DCP1B: variants seen among roughly 807,000 people sequenced by gnomAD.
The protein encoded by DCP1B is mRNA-decapping enzyme 1B.
DCP1B carries 47 observed loss-of-function variants against 60.5 expected under a neutral mutation model. That is an observed-to-expected ratio of 0.78 (90% CI 0.61 to 0.99). The LOEUF is 0.99. Among genes scored for constraint, DCP1B ranks in the 50% least tolerant of loss-of-function variants. The pLI is 0.00. For missense variants in DCP1B, 725 were observed against 756.8 expected (o/e 0.96, Z 0.49); for synonymous variants, 267 against 280.3 (o/e 0.95, Z 0.47).
intron 2 of DCP1B, among the ~76,000 whole-genome samples, chr12:1,994,271 T>C (rs929273077): frequency 1.3e-4 from 20 of 152,220 alleles, no homozygotes; most frequent in African/African-American, 4.8e-4. Context: ...TTCATTTATT[T>C]ACTTTAAATG....
At position 2,004,409 on chromosome 12, in the gene DCP1B, C is replaced by T. The variant is rs1198121063; in HGVS notation, c.23G>A (p.Gly8Asp). 10 of 1,610,744 alleles carry T rather than the reference C, an allele frequency of 6.2e-6. No individual in the cohort carries two copies. Among genetic ancestry groups the T allele is most frequent in the Admixed American group, 1.7e-5 (1 of 59,870 alleles). ...GATGTCGCGCCCCTTTCCCACCAGG[C>T]CGCCTGCCGCCACGGCTGCCATCTT... MAAVAAGGLVGKGRDISL... is the reference protein window; with the variant it reads MAAVAAGDLVGKGRDISL... Residue 8 changes from glycine (G) to aspartate (D), a missense_variant, in exon 1 of 9, where the codon GGC becomes GAC. Transcript: ENST00000280665.
intron 6 of DCP1B, 112 bp from the exon 7 acceptor site, chr12:1,953,400 A>G: frequency 8.2e-7 from 1 of 1,221,778 alleles, no homozygotes; most frequent in Non-Finnish European, 1.1e-6. Flanking sequence ...AGGATTGATT[A>G]GAGAGAATGA....
intron 3 of DCP1B, chr12:1,991,096 T>C (rs1593205116): frequency 2.2e-6 from 1 of 456,132 alleles, no homozygotes. Flanking sequence ...ATTAGAAACA[T>C]TTTAATATGC....
At chr12:1,947,538 G>A (rs866242637) in intron 8 of DCP1B, among the ~76,000 whole-genome samples, 17 of 152,112 alleles carry the variant, frequency 1.1e-4, no homozygotes. Flanking sequence ...TTTCTAATCC[G>A]CCATGTTCAG....
At chr12:1,973,338 GAA>G (rs2033155332) in intron 3 of DCP1B, among the ~76,000 whole-genome samples, 1 of 152,062 alleles carries the variant, frequency 6.6e-6, no homozygotes, top group South Asian at 2.1e-4. Context: ...CATTTTGGGG[GAA>G]ACAGTAGAAA....
At chr12:1,991,393 T>A in intron 3 of DCP1B, 1 of 278,140 alleles carries the variant, frequency 3.6e-6, no homozygotes, top group East Asian at 8.7e-5. Context: ...AATAGAAATA[T>A]GAGGGGAACC....
chr12:1,976,204 C>T (rs1198609711), intron 3 of DCP1B, among the ~76,000 whole-genome samples: 1 of 152,168 alleles, frequency 6.6e-6, no homozygotes, highest in Non-Finnish European at 1.5e-5. Context: ...AGTTTCATCA[C>T]TCAAGTCACA....
chr12:1,993,943 G>T (rs142197779), intron 2 of DCP1B, among the ~76,000 whole-genome samples: 102 of 152,276 alleles, frequency 6.7e-4, no homozygotes, highest in African/African-American at 2.4e-3. Flanking sequence ...GCCTGAACTA[G>T]AAGTTTACAT....
chr12:1,952,783 C>G lies in DCP1B; in HGVS notation c.1157G>C (p.Arg386Thr), dbSNP rs1399293183. Residue 386 changes from arginine to threonine, a missense_variant, in exon 7 of 9, where the codon AGA becomes ACA. By Grantham distance (71) the Arg-to-Thr change is moderately conservative (BLOSUM62 -1). Transcript: ENST00000280665. Reference sequence around the variant, plus strand: ...CACAGGGGTGACAGAAGTGGGAGCTCTGCTGCGGTTCAGGGCAGCTGAGCT... The same window carrying G: ...CACAGGGGTGACAGAAGTGGGAGCTGTGCTGCGGTTCAGGGCAGCTGAGCT... ...PASSAALNRS[R>T]APTSVTPVAP... is the part of the protein sequence containing the mutation. The G allele has an allele frequency of 1.9e-6, 3 of 1,614,188 alleles. No individual in the cohort carries two copies. Among genetic ancestry groups the G allele is most frequent in the Non-Finnish European group, 2.5e-6 (3 of 1,180,036 alleles).
At chr12:2,001,223 T>C (rs929479179) in intron 1 of DCP1B, among the ~76,000 whole-genome samples, 2 of 152,152 alleles carry the variant, frequency 1.3e-5, no homozygotes, top group African/African-American at 4.8e-5. Flanking sequence ...AACCAGATTT[T>C]TTTTTTCTTT....
At chr12:1,970,326 G>A (rs950586252) in intron 3 of DCP1B, among the ~76,000 whole-genome samples, 2 of 152,044 alleles carry the variant, frequency 1.3e-5, no homozygotes, top group Admixed American at 6.5e-5. Flanking sequence ...AAGCAACATG[G>A]CTTTAAAAAT....
At position 1,946,196 on chromosome 12, in the gene DCP1B, G is replaced by C; in HGVS notation, c.*10C>G. The C allele has an allele frequency of 6.4e-7, 1 of 1,570,958 alleles. No individual in the cohort carries two copies. Among genetic ancestry groups the C allele is most frequent in the Non-Finnish European group, 8.6e-7 (1 of 1,160,896 alleles). ...AGGACCTTGAAAATCAGTTTTAAAA[G>C]GCCTTGCTGTCACATAGTCTTTTTC... is the stretch of plus-strand genomic sequence containing the variant. On this transcript the variant is annotated 3_prime_UTR_variant, in exon 9 of 9. Transcript: ENST00000280665.
chr12:1,945,972 G>C, downstream of DCP1B: 1 of 340,004 alleles, frequency 2.9e-6, no homozygotes, highest in Non-Finnish European at 5.3e-6. Context: ...CATGGCATGT[G>C]TATACCTATG....
chr12:1,949,923 G>A, intron 7 of DCP1B: 1 of 195,594 alleles, frequency 5.1e-6, no homozygotes, highest in Admixed American at 5.3e-5. Context: ...GACCCGGGCG[G>A]CCTGTTGCTC....
chr12:1,998,096 T>G, intron 1 of DCP1B, 121 bp from the exon 2 acceptor site: 1 of 743,634 alleles, frequency 1.3e-6, no homozygotes, highest in Non-Finnish European at 2.1e-6. Flanking sequence ...ATACCCAACA[T>G]GAGGAGTTAT....
chr12:1,989,688 G>A (rs753826716), intron 3 of DCP1B, among the ~76,000 whole-genome samples: 1 of 152,170 alleles, frequency 6.6e-6, no homozygotes, highest in Non-Finnish European at 1.5e-5. Flanking sequence ...ACTCCAGCCT[G>A]GACAAATAGA....
chr12:1,953,535 G>A (rs1015306257), intron 6 of DCP1B, among the ~76,000 whole-genome samples: 6 of 152,018 alleles, frequency 3.9e-5, no homozygotes, highest in African/African-American at 1.5e-4. Flanking sequence ...GATAAAACAG[G>A]TATAAGATCT....
chr12:1,977,909 A>G (rs1023045926), intron 3 of DCP1B, among the ~76,000 whole-genome samples: 5 of 152,260 alleles, frequency 3.3e-5, no homozygotes, highest in African/African-American at 1.2e-4. Context: ...AAGATGTTCT[A>G]TAATAGCCAC....
chr12:1,965,711 A>T lies in DCP1B; in HGVS notation c.387-18T>A. The T allele has an allele frequency of 6.3e-7, 1 of 1,593,886 alleles. No homozygotes were observed. Among genetic ancestry groups the T allele is most frequent in the Non-Finnish European group, 8.5e-7 (1 of 1,172,792 alleles). ...GAGTTAGGCTAGAAAAACAGAGGGG[A>T]AAATCCACACAAGAAAAGCCAATTC... On this transcript the variant is annotated intron_variant, in intron 4 of 8. Coordinates refer to ENST00000280665, the MANE Select transcript of DCP1B (RefSeq NM_152640.5).
Sources: allele counts gnomAD v4.1 joint callset (sites outside exome capture counted in the v4.1 genomes callset), GRCh38; gene constraint gnomAD v4.1.1; transcripts MANE v1.5; gene names NCBI Gene and HGNC (gene_info 2026-07-23, HGNC 2026-07-21).